Variants in FAM110B observed in about 807,000 individuals in gnomAD.
The protein encoded by FAM110B is family with sequence similarity 110 member B.
Under a neutral mutation model 20.4 loss-of-function variants are expected in FAM110B, and 6 were observed. That is an observed-to-expected ratio of 0.29 (90% CI 0.16 to 0.58). The LOEUF (loss-of-function observed/expected upper bound fraction) is 0.58, where lower values mean the gene tolerates loss of function less well. Ranked by LOEUF, FAM110B falls within the 20% of genes least tolerant of loss-of-function variation. The probability of loss-of-function intolerance (pLI) is 0.90; values close to 1 mark genes in which losing one functional copy is unlikely to be tolerated. For synonymous variants in FAM110B, 226 were observed against 214.1 expected (o/e 1.06, Z -0.49); for missense variants, 434 against 498.2 (o/e 0.87, Z 1.23).
intron 1 of FAM110B, among the ~76,000 whole-genome samples, chr8:58,030,489 T>C (rs1380399159): frequency 6.6e-6 from 1 of 152,226 alleles, no homozygotes; most frequent in Non-Finnish European, 1.5e-5. Context: ...AATACATGTT[T>C]AGTGTATCAT....
chr8:58,134,250 ATTCAC>A (rs1803557323), intron 3 of FAM110B, among the ~76,000 whole-genome samples: 1 of 152,242 alleles, frequency 6.6e-6, no homozygotes, highest in African/African-American at 2.4e-5. Context: ...GATCAACAAT[ATTCAC>A]TATTTTTTTA....
In FAM110B at chr8:58,148,637, TCTC is replaced by T. The variant is rs1455689162; in HGVS notation, c.*1295_*1297del. The T allele has an allele frequency of 1.8e-5, 3 of 167,132 alleles. No homozygotes were observed. The highest frequency in any genetic ancestry group is 4.4e-5 in the Non-Finnish European group (3 of 68,130). 10.4% of individuals were successfully genotyped at this position (167,132 alleles called of 1,614,324 possible). ...TCATTGCCTTTGCCACATCTGAAGT[TCTC>T]AGCAGCACTACCTTAGACTTCATGA... On this transcript the variant is annotated 3_prime_UTR_variant, in exon 4 of 4. Coordinates refer to ENST00000519262, the MANE Select transcript of FAM110B (RefSeq NM_001377989.1).
intron 1 of FAM110B, among the ~76,000 whole-genome samples, chr8:58,005,021 T>C (rs889912995): frequency 5.8e-4 from 89 of 152,220 alleles, no homozygotes; most frequent in African/African-American, 2.1e-3. Context: ...CATGCCCAAC[T>C]TGGTTCACTG....
At chr8:58,105,813 G>A (rs529472714) in intron 3 of FAM110B, among the ~76,000 whole-genome samples, 7 of 151,802 alleles carry the variant, frequency 4.6e-5, no homozygotes, top group Non-Finnish European at 8.8e-5. Context: ...CTTGTGATCC[G>A]CCCGCCTCAG....
intron 3 of FAM110B, among the ~76,000 whole-genome samples, chr8:58,109,534 T>C (rs1031743888): frequency 6.6e-6 from 1 of 152,202 alleles, no homozygotes; most frequent in Non-Finnish European, 1.5e-5. Flanking sequence ...TTTTTCTTTT[T>C]TTCTTTTGGT....
intron 3 of FAM110B, among the ~76,000 whole-genome samples, chr8:58,143,768 G>C (rs1427033643): frequency 6.6e-6 from 1 of 152,202 alleles, no homozygotes; most frequent in Admixed American, 6.5e-5. Context: ...CACGCCAGTG[G>C]TGTAGGTGTT....
At chr8:58,038,653 G>A (rs1294495039) in intron 2 of FAM110B, among the ~76,000 whole-genome samples, 1 of 151,966 alleles carries the variant, frequency 6.6e-6, no homozygotes, top group Non-Finnish European at 1.5e-5. Context: ...TTTGGAGGCT[G>A]AGTCAGGAGA....
At chr8:58,002,400 C>A (rs1415146739) in intron 1 of FAM110B, among the ~76,000 whole-genome samples, 1 of 152,248 alleles carries the variant, frequency 6.6e-6, no homozygotes, top group African/African-American at 2.4e-5. Context: ...TCTCTAAGTC[C>A]TGCTTCTCTA....
At chr8:57,996,160 A>G (rs1187930088) in intron 1 of FAM110B, among the ~76,000 whole-genome samples, 2 of 152,230 alleles carry the variant, frequency 1.3e-5, no homozygotes, top group Non-Finnish European at 2.9e-5. Context: ...AGAATCCTTC[A>G]CTGATAACAT....
At chr8:58,026,984 T>TCTTGGAA (rs11283185) in intron 1 of FAM110B, among the ~76,000 whole-genome samples, 28,050 of 151,962 alleles carry the variant, frequency 0.18, 3,545 homozygotes, top group African/African-American at 0.36. Flanking sequence ...CTGAGTTTCT[T>TCTTGGAA]CTTTTTAAAA....
intron 1 of FAM110B, among the ~76,000 whole-genome samples, chr8:57,997,221 A>G (rs1229185592): frequency 6.6e-6 from 1 of 152,200 alleles, no homozygotes; most frequent in African/African-American, 2.4e-5. Flanking sequence ...CCAGGGATTA[A>G]TTTAGCAATC....
chr8:58,075,275 TTGTGTG>T (rs60073899), intron 2 of FAM110B, among the ~76,000 whole-genome samples: 2 of 141,670 alleles, frequency 1.4e-5, no homozygotes, highest in Non-Finnish European at 3.0e-5. Flanking sequence ...TTTTTTTTTT[TTGTGTG>T]TGTGTGTGTG....
chr8:58,059,780 G>T (rs1312254999), intron 2 of FAM110B, among the ~76,000 whole-genome samples: 1 of 152,002 alleles, frequency 6.6e-6, no homozygotes, highest in African/African-American at 2.4e-5. Context: ...TTTCAAAACA[G>T]TTGATGTTTT....
At chr8:58,131,399 C>T (rs1481845018) in intron 3 of FAM110B, among the ~76,000 whole-genome samples, 1 of 152,136 alleles carries the variant, frequency 6.6e-6, no homozygotes, top group East Asian at 1.9e-4. Context: ...GCTGGGATTC[C>T]AGGCATGAGC....
intron 3 of FAM110B, among the ~76,000 whole-genome samples, chr8:58,129,901 TTTC>T (rs754642912): frequency 7.2e-5 from 11 of 152,250 alleles, no homozygotes; most frequent in Non-Finnish European, 1.6e-4. Flanking sequence ...TTCTTGTCAC[TTTC>T]TTAATATATT....
chr8:58,061,574 T>A (rs920635896), intron 2 of FAM110B, among the ~76,000 whole-genome samples: 1 of 152,250 alleles, frequency 6.6e-6, no homozygotes, highest in African/African-American at 2.4e-5. Context: ...TGTAATCGAA[T>A]ACTTGAAATT....
At chr8:58,002,069 A>G (rs1030892797) in intron 1 of FAM110B, among the ~76,000 whole-genome samples, 2 of 152,102 alleles carry the variant, frequency 1.3e-5, no homozygotes, top group Admixed American at 6.6e-5. Context: ...AGAGAATTCA[A>G]TCTTTCTTCA....
intron 3 of FAM110B, among the ~76,000 whole-genome samples, chr8:58,126,572 GTC>G (rs1245340818): frequency 2.0e-5 from 3 of 152,010 alleles, no homozygotes; most frequent in East Asian, 1.9e-4. Flanking sequence ...TGGGTGGTGT[GTC>G]TCTCTCTCTT....
intron 1 of FAM110B, among the ~76,000 whole-genome samples, chr8:57,997,133 G>A (rs1804200998): frequency 6.6e-6 from 1 of 152,194 alleles, no homozygotes; most frequent in Admixed American, 6.5e-5. Flanking sequence ...CAAAACTGCT[G>A]TAGGCACAGT....
Sources: gnomAD v4.1 joint callset for allele counts (sites outside exome capture counted in the v4.1 genomes callset) on GRCh38, gnomAD v4.1.1 for gene constraint, MANE v1.5 for transcripts, NCBI Gene and HGNC (gene_info 2026-07-23, HGNC 2026-07-21) for gene names.